Variants in CCDC51 observed in about 807,000 individuals in gnomAD.
CCDC51 encodes coiled-coil domain containing 51.
A neutral mutation model predicts 24.8 loss-of-function variants in CCDC51; 25 were observed. That is an observed-to-expected ratio of 1.01 (90% CI 0.73 to 1.41). The LOEUF is 1.41. Ranked by LOEUF, CCDC51 falls within the 40% of genes most tolerant of loss-of-function variation. The pLI is 0.00. For synonymous variants in CCDC51, 190 were observed against 204.3 expected (o/e 0.93, Z 0.60); for missense variants, 466 against 519.1 (o/e 0.90, Z 0.99).
chr3:48,432,539 A>C lies in CCDC51; in HGVS notation c.1105T>G (p.Leu369Val). 6.2e-7 allele frequency: 1 copy of C among 1,614,216 alleles called. No individual in the cohort carries two copies. Among genetic ancestry groups the C allele is most frequent in the Non-Finnish European group, 8.5e-7 (1 of 1,180,030 alleles). The change falls in exon 4 of 4, where the codon TTG becomes GTG. Residue 369 changes from leucine (L) to valine (V), a missense_variant. Coordinates refer to ENST00000395694, the MANE Select transcript of CCDC51 (RefSeq NM_001256964.2). ...CTCTGCTCCGTGTCTGACAGTGCCAAGATCATGCTCCCCTGCTCCAGCAAG... is the reference window on the plus strand; with the variant it reads ...CTCTGCTCCGTGTCTGACAGTGCCACGATCATGCTCCCCTGCTCCAGCAAG... ...SFLLEQGSMI[L>V]ALSDTEQRLE... is the part of the protein sequence containing the mutation.
chr3:48,445,590 CTT>C, the CCDC51 span, among the ~76,000 whole-genome samples: 2 of 152,238 alleles, frequency 1.3e-5, no homozygotes, highest in Non-Finnish European at 2.9e-5. Flanking sequence ...AGTCCTGTCT[CTT>C]TCCAGGACCA....
chr3:48,433,943 A>C lies in CCDC51; in HGVS notation c.313-72T>G, dbSNP rs149306159. 1 of 1,548,846 alleles carries C rather than the reference A, an allele frequency of 6.5e-7. No homozygotes were observed. Among genetic ancestry groups the C allele is most frequent in the African/African-American group, 1.4e-5 (1 of 73,276 alleles). On this transcript the variant is annotated intron_variant, in intron 2 of 3. Coordinates refer to ENST00000395694, the MANE Select transcript of CCDC51 (RefSeq NM_001256964.2). This position sits in a 1 kb window ranked among gnomAD's most constrained non-coding sequence, Gnocchi z 4.4. ...ACACAGGCTCAGCTGCATTCCCAGC[A>C]AGGCATTCCCAGAAGAGGTCACTGG...
In CCDC51 at chr3:48,432,420, G is replaced by C. The variant is rs770112065; in HGVS notation, c.1224C>G (p.Phe408Leu). Reference protein sequence around the residue: ...VATLPVLYMLFKAS With the variant: ...VATLPVLYMLLKAS ...GAGGGGCCAGGGGTTAGCTGGCTTTGAATAGCATGTAGAGCACAGGCAGTG... is the reference window on the plus strand; with the variant it reads ...GAGGGGCCAGGGGTTAGCTGGCTTTCAATAGCATGTAGAGCACAGGCAGTG... Residue 408 changes from phenylalanine (F) to leucine (L), a missense_variant, in exon 4 of 4, where the codon TTC (phenylalanine) becomes TTG (leucine). Transcript: ENST00000395694. 4.3e-6 allele frequency: 7 copies of C among 1,614,050 alleles called. No homozygotes were observed. The African/African-American group carries it at 9.3e-5, about 22-fold the overall frequency.
At chr3:48,443,973 T>C (rs140064569), upstream of CCDC51, 78 of 930,572 alleles carry the variant, frequency 8.4e-5, no homozygotes, top group African/African-American at 1.2e-3. Flanking sequence ...TTGCCACGTA[T>C]AGCTGGAATT....
rs2039382824 is a variant in CCDC51, at chr3:48,437,244, T to A, written c.-8-2108A>T. Among the ~76,000 whole-genome samples the A allele has an allele frequency of 6.6e-6, 1 of 152,186 alleles. No individual in the cohort carries two copies. The highest frequency in any genetic ancestry group is 1.5e-5 in the Non-Finnish European group (1 of 68,034). The stretch of plus-strand genomic sequence containing the variant: ...GATATATTTCCTTATGTGTTGCCTA[T>A]TCTCTCACTAGAACATAAGCTGGGT... On this transcript the variant is annotated intron_variant, in intron 1 of 3. Transcript: ENST00000395694. This position sits in a 1 kb window ranked among gnomAD's most constrained non-coding sequence, Gnocchi z 4.2.
At chr3:48,439,663 A>G (rs1308575164) in intron 1 of CCDC51, among the ~76,000 whole-genome samples, 4 of 152,176 alleles carry the variant, frequency 2.6e-5, no homozygotes, top group Non-Finnish European at 4.4e-5. Flanking sequence ...CTTTATTGAT[A>G]TATAACTTGC....
Position 48,432,952 on chromosome 3 carries a change from T to G in CCDC51, c.692A>C (p.Lys231Thr), listed in dbSNP as rs2039228374. Reference sequence around the variant, plus strand: ...CTTCTGCGCCTCCAGGAGTAAAGCCTTCAGCTCCTGTAGTCGCACACGGTT... The same window carrying G: ...CTTCTGCGCCTCCAGGAGTAAAGCCGTCAGCTCCTGTAGTCGCACACGGTT... ...YVNRVRLQEL[K>T]ALLLEAQKGP... is the part of the protein sequence containing the mutation. The change falls in exon 4 of 4, where the codon AAG (lysine) becomes ACG (threonine). Residue 231 changes from lysine to threonine, a missense_variant. Coordinates refer to ENST00000395694, the MANE Select transcript of CCDC51 (RefSeq NM_001256964.2). 1.2e-6 allele frequency: 2 copies of G among 1,614,136 alleles called. No homozygotes were observed. The highest frequency in any genetic ancestry group is 8.5e-7 in the Non-Finnish European group (1 of 1,180,024).
upstream of CCDC51, chr3:48,440,716 C>T (rs1197313877): frequency 5.8e-6 from 7 of 1,204,290 alleles, no homozygotes; most frequent in African/African-American, 4.6e-5. Flanking sequence ...TTTCCTGCCT[C>T]CTGAACTGCG....
rs1286846485 is a variant in CCDC51 at position 48,432,258 on chromosome 3, C to T, written c.*150G>A. 1.1e-5 allele frequency: 9 copies of T among 807,726 alleles called. No individual in the cohort carries two copies. The highest frequency in any genetic ancestry group is 3.5e-5 in the African/African-American group (2 of 57,810). The allele number at this position is 807,726 out of a possible 1,614,324, so 50.0% of individuals were successfully genotyped here. ...ATGTAAATGAACCTTGTCTACAAAG[C>T]GAAGCATGCCTGCTGGTGAGCCACA... On this transcript the variant is annotated 3_prime_UTR_variant, in exon 4 of 4. Coordinates refer to ENST00000395694, the MANE Select transcript of CCDC51 (RefSeq NM_001256964.2).
upstream of CCDC51, among the ~76,000 whole-genome samples, chr3:48,441,510 A>G (rs905904947): frequency 2.0e-5 from 3 of 146,774 alleles, no homozygotes; most frequent in African/African-American, 7.6e-5. Flanking sequence ...CGTACTGCTT[A>G]TATTATCTCT....
upstream of CCDC51, among the ~76,000 whole-genome samples, chr3:48,443,606 C>T (rs1231099006): frequency 1.3e-5 from 2 of 151,942 alleles, no homozygotes; most frequent in Non-Finnish European, 2.9e-5. Flanking sequence ...ATAAGCCAAT[C>T]TGTGAAGTAT....
In CCDC51 at chr3:48,433,028, T is replaced by C. The variant is rs1029522910; in HGVS notation, c.616A>G (p.Ile206Val). ...RAERTKNWSL[I>V]GSVLGALIGV... ...ATCAGGGCCCCCAGGACTGAGCCAA[T>C]GAGGGACCAGTTCTTGGTCCTCTCA... is the stretch of plus-strand genomic sequence containing the variant. The change falls in exon 4 of 4, where the codon ATT (isoleucine) becomes GTT (valine). Residue 206 changes from isoleucine to valine, a missense_variant. Transcript: ENST00000395694. The surrounding 1 kb of genome is among the most constrained non-coding windows in gnomAD (Gnocchi z 4.4). 2 of 1,614,074 alleles carry C rather than the reference T, an allele frequency of 1.2e-6. No individual in the cohort carries two copies. Among genetic ancestry groups the C allele is most frequent in the Non-Finnish European group, 1.7e-6 (2 of 1,180,044 alleles).
chr3:48,433,202 G>A lies in CCDC51; in HGVS notation c.478-36C>T. On this transcript the variant is annotated intron_variant, in intron 3 of 3. Coordinates refer to ENST00000395694, the MANE Select transcript of CCDC51 (RefSeq NM_001256964.2). The surrounding 1 kb of genome is among the most constrained non-coding windows in gnomAD (Gnocchi z 4.4). ...AAAGCCATGTTATTGGATTACATGGGCACAAGGTGGCCCTGCAGCTATAGC... is the reference window on the plus strand; with the variant it reads ...AAAGCCATGTTATTGGATTACATGGACACAAGGTGGCCCTGCAGCTATAGC... 6.3e-7 allele frequency: 1 copy of A among 1,588,670 alleles called. No individual in the cohort carries two copies. The highest frequency in any genetic ancestry group is 1.1e-5 in the South Asian group (1 of 88,112).
At chr3:48,439,597 A>T (rs2039487649) in intron 1 of CCDC51, among the ~76,000 whole-genome samples, 1 of 151,860 alleles carries the variant, frequency 6.6e-6, no homozygotes, top group South Asian at 2.1e-4. Context: ...GTGCCATTGC[A>T]CTCCAGCCTG....
chr3:48,442,945 A>C (rs775318591), upstream of CCDC51, among the ~76,000 whole-genome samples: 5 of 151,806 alleles, frequency 3.3e-5, no homozygotes, highest in African/African-American at 4.8e-5. Context: ...CCTAACAATA[A>C]GACTTCTTTT....
In CCDC51 at chr3:48,440,030, G is replaced by A. The variant is rs907108620; in HGVS notation, c.-51C>T. On this transcript the variant is annotated 5_prime_UTR_variant, in exon 1 of 4. In the 5' UTR this introduces an upstream ATG that the reference lacks. Coordinates refer to ENST00000395694, the MANE Select transcript of CCDC51 (RefSeq NM_001256964.2). ...CGCACGGCCACAGGCCTGGTAGGCC[G>A]TCCGGTTAAGTACCCCTCCTACGGT... is the stretch of plus-strand genomic sequence containing the variant. 4.3e-5 allele frequency: 23 copies of A among 536,682 alleles called. 1 individual carries two copies. The highest frequency in any genetic ancestry group is 7.1e-5 in the Non-Finnish European group (22 of 311,818). The allele number at this position is 536,682 out of a possible 1,614,324, so 33.2% of individuals were successfully genotyped here. A position where few individuals can be genotyped will look rare whatever the true frequency, so the allele number is the denominator to read the frequency against.
At position 48,435,062 on chromosome 3, in the gene CCDC51, T is replaced by C. The variant is rs911873109; in HGVS notation, c.67A>G (p.Arg23Gly). Residue 23 changes from arginine to glycine, a missense_variant, in exon 2 of 4, where the codon AGG becomes GGG. By Grantham distance (125) the Arg-to-Gly change is moderately radical (BLOSUM62 -2). Coordinates refer to ENST00000395694, the MANE Select transcript of CCDC51 (RefSeq NM_001256964.2). The surrounding 1 kb of genome is among the most constrained non-coding windows in gnomAD (Gnocchi z 4.2). The part of the protein sequence containing the change: ...IVGVPHVLVR[R>G]GLLGRDLFMT... The stretch of plus-strand genomic sequence containing the variant: ...AAGAGGTCCCTTCCAAGGAGGCCCC[T>C]CCGAACCAGTACGTGGGGCACACCC... 1.2e-6 allele frequency: 2 copies of C among 1,613,388 alleles called. No individual in the cohort carries two copies. Among genetic ancestry groups the C allele is most frequent in the African/African-American group, 2.7e-5 (2 of 74,920 alleles).
At position 48,434,945 on chromosome 3, in the gene CCDC51, CT is replaced by C. The variant is rs1395469383; in HGVS notation, c.183del (p.Ala62HisfsTer41). The C allele has an allele frequency of 6.2e-7, 1 of 1,614,250 alleles. No individual in the cohort carries two copies. The highest frequency in any genetic ancestry group is 1.1e-5 in the South Asian group (1 of 91,086). On this transcript the variant is annotated frameshift_variant, in exon 2 of 4. Coordinates refer to ENST00000395694, the MANE Select transcript of CCDC51 (RefSeq NM_001256964.2). LOFTEE classifies it high-confidence loss of function. ...CTGTGCCCCAGGGCTCTTCCCAGTG[CT>C]GGGAGGCGGTGGTGCAGCCCCAGGG... ...EVALGLHHRL[P>X]ALGRALGHSI... is the part of the protein sequence containing the mutation.
upstream of CCDC51, among the ~76,000 whole-genome samples, chr3:48,443,142 A>G (rs1407313211): frequency 2.9e-4 from 43 of 150,830 alleles, no homozygotes; most frequent in Admixed American, 2.9e-3. Flanking sequence ...CGGAAGGCTC[A>G]TGCATGAAGA....
Sources: gnomAD v4.1 joint callset for allele counts (sites outside exome capture counted in the v4.1 genomes callset) on GRCh38, gnomAD v4.1.1 for gene constraint, Gnocchi (gnomAD v3.1) non-coding constraint, MANE v1.5 for transcripts, NCBI Gene and HGNC (gene_info 2026-07-23, HGNC 2026-07-21) for gene names.